The following KIAA1217 variants were observed in gnomAD, a reference collection of about 807,000 sequenced individuals.
The protein encoded by KIAA1217 is KIAA1217, also known as sickle tail protein homolog.
Under a neutral mutation model 163.9 loss-of-function variants are expected in KIAA1217, and 88 were observed. The ratio of observed to expected loss-of-function variants is 0.54; its 90% CI spans 0.45 to 0.64. The LOEUF (loss-of-function observed/expected upper bound fraction) is 0.64. KIAA1217 is among the 30% of genes least tolerant of loss of function. The pLI, the probability that KIAA1217 is intolerant of heterozygous loss-of-function variation, is 0.00. For synonymous variants in KIAA1217, 903 were observed against 923.1 expected, an observed-to-expected ratio of 0.98 and a Z score of 0.39; for missense variants, 2,372 against 2,475.0, an observed-to-expected ratio of 0.96 and a Z score of 0.88.
At chr10:24,297,454 A>G (rs1176622032) in intron 2 of KIAA1217, among the ~76,000 whole-genome samples, 3 of 152,184 alleles carry the variant, frequency 2.0e-5, no homozygotes, top group Non-Finnish European at 4.4e-5. Context: ...GATCATAAAG[A>G]AACTGGAGTC....
chr10:24,096,567 C>A (rs899203165), intron 2 of KIAA1217, among the ~76,000 whole-genome samples: 4 of 152,224 alleles, frequency 2.6e-5, no homozygotes, highest in African/African-American at 9.7e-5. Context: ...CCAGGCTCTG[C>A]AGGGTCTGGC....
At chr10:24,047,368 G>T (rs1367697955) in intron 2 of KIAA1217, among the ~76,000 whole-genome samples, 1 of 152,114 alleles carries the variant, frequency 6.6e-6, no homozygotes, top group African/African-American at 2.4e-5. Context: ...CTTGAGCAAG[G>T]CAATTATCCT....
chr10:23,716,238 T>C (rs1266065135), intron 1 of KIAA1217, among the ~76,000 whole-genome samples: 2 of 152,144 alleles, frequency 1.3e-5, no homozygotes, highest in Non-Finnish European at 2.9e-5. Flanking sequence ...ATGAAATAAA[T>C]GAACAATAGC....
At chr10:23,867,412 T>C (rs1471763541) in intron 1 of KIAA1217, among the ~76,000 whole-genome samples, 2 of 152,132 alleles carry the variant, frequency 1.3e-5, no homozygotes, top group Non-Finnish European at 2.9e-5. Flanking sequence ...TCTAGATCCC[T>C]GAGGAATCGC....
intron 1 of KIAA1217, among the ~76,000 whole-genome samples, chr10:24,000,268 A>G (rs977407792): frequency 6.6e-5 from 10 of 152,212 alleles, no homozygotes; most frequent in Admixed American, 2.0e-4. Context: ...GTGTCGTAGG[A>G]GGAAGCAGTG....
At chr10:23,730,499 C>T (rs1838415708) in intron 1 of KIAA1217, among the ~76,000 whole-genome samples, 1 of 152,060 alleles carries the variant, frequency 6.6e-6, no homozygotes, top group African/African-American at 2.4e-5. Context: ...TCCATATAAA[C>T]TTCAGAATCA....
chr10:24,214,799 G>C (rs563144952), intron 1 of KIAA1217, among the ~76,000 whole-genome samples: 1 of 152,332 alleles, frequency 6.6e-6, no homozygotes, highest in South Asian at 2.1e-4. Flanking sequence ...CCTTCCCTAA[G>C]AGTCTGTGGC....
intron 1 of KIAA1217, among the ~76,000 whole-genome samples, chr10:23,998,390 G>C (rs12244102): frequency 0.031 from 4,714 of 152,222 alleles, 263 homozygotes; most frequent in African/African-American, 0.11. Flanking sequence ...CCATGCACTT[G>C]CCCCAAGAGA....
chr10:23,717,541 C>T (rs1310618285), intron 1 of KIAA1217, among the ~76,000 whole-genome samples: 1 of 152,132 alleles, frequency 6.6e-6, no homozygotes, highest in Non-Finnish European at 1.5e-5. Context: ...GCTGAAAATA[C>T]ATCCCCTAAG....
Position 23,869,124 on chromosome 10 carries a change from GTTTTTTTTTTTTTTT to G in KIAA1217, c.-320-138085_-320-138071del, listed in dbSNP as rs58288361. Among the ~76,000 whole-genome samples, 4 of 31,702 alleles carry G rather than the reference GTTTTTTTTTTTTTTT, an allele frequency of 1.3e-4. No individual in the cohort carries two copies. The South Asian group carries it at 2.9e-3, about 23-fold the overall frequency. 20.8% of individuals were successfully genotyped at this position (31,702 alleles called of 152,430 possible). On this transcript the variant is annotated intron_variant, in intron 1 of 18. Coordinates refer to the KIAA1217 transcript ENST00000376462. ...GTGTAACGTGCAATCATGAAATGTA[GTTTTTTTTTTTTTTT>G]TTTTTTTTTTTTTTTGCATAAGTAG...
rs567703841 is a variant in KIAA1217 at position 24,398,608 on chromosome 10, G to A, written c.553+17541G>A. Among the ~76,000 whole-genome samples the A allele has an allele frequency of 3.3e-5, 5 of 152,238 alleles. No homozygotes were observed. In the South Asian group the frequency reaches 1.0e-3, roughly 32 times the overall value. On this transcript the variant is annotated intron_variant, in intron 3 of 20. Transcript: ENST00000376454. ...GGAAGAGACCCAAGCAGGCACCTTG[G>A]AGCTCAAGTGTGGCATTTTTATATA...
At chr10:24,122,305 T>C (rs1383471842) in intron 2 of KIAA1217, among the ~76,000 whole-genome samples, 2 of 152,186 alleles carry the variant, frequency 1.3e-5, no homozygotes, top group Non-Finnish European at 2.9e-5. Context: ...GCTGCATCCA[T>C]GTTGCTGCAA....
chr10:24,334,480 G>GAAGGAAGGAAGGAAGGAAGGAAGA (rs548225852), intron 2 of KIAA1217, among the ~76,000 whole-genome samples: 12 of 81,870 alleles, frequency 1.5e-4, no homozygotes, highest in South Asian at 1.0e-3. Flanking sequence ...AGGAAGGAAG[G>GAAGGAAGGAAGGAAGGAAGGAAGA]AAGGAACTTA....
intron 1 of KIAA1217, among the ~76,000 whole-genome samples, chr10:23,790,255 G>A (rs62646926): frequency 0.83 from 1,172 of 1,418 alleles, 570 homozygotes; most frequent in African/African-American, 0.86. Flanking sequence ...ATATGCATAT[G>A]CACATATGCA....
chr10:24,070,967 G>T (rs1029637043), intron 2 of KIAA1217, among the ~76,000 whole-genome samples: 5 of 151,868 alleles, frequency 3.3e-5, no homozygotes, highest in East Asian at 1.9e-4. Context: ...ATTTTTAAGG[G>T]TATTTCTACA....
intron 2 of KIAA1217, among the ~76,000 whole-genome samples, chr10:24,070,044 T>G (rs1024354212): frequency 2.6e-5 from 4 of 152,318 alleles, no homozygotes; most frequent in African/African-American, 7.2e-5. Flanking sequence ...CTCACTGTGT[T>G]GCCCAGACTT....
chr10:24,448,247 G>A (rs937448268), intron 5 of KIAA1217, among the ~76,000 whole-genome samples: 2 of 108,424 alleles, frequency 1.8e-5, no homozygotes, highest in African/African-American at 6.3e-5. Flanking sequence ...TTTTTTGCGT[G>A]GGGGGGGCTG....
At chr10:24,331,768 TGTC>T (rs1392807272) in intron 2 of KIAA1217, among the ~76,000 whole-genome samples, 1 of 152,120 alleles carries the variant, frequency 6.6e-6, no homozygotes, top group Admixed American at 6.5e-5. Context: ...GACAGGGAAA[TGTC>T]GTTTCTATTA....
intron 2 of KIAA1217, among the ~76,000 whole-genome samples, chr10:24,335,137 G>GA (rs2046180482): frequency 6.6e-6 from 1 of 152,082 alleles, no homozygotes; most frequent in African/African-American, 2.4e-5. Context: ...TACGCTATGG[G>GA]AAAAAAGCCA....
Sources: allele counts gnomAD v4.1 joint callset (sites outside exome capture counted in the v4.1 genomes callset), GRCh38; gene constraint gnomAD v4.1.1; transcripts MANE v1.5; gene names NCBI Gene and HGNC (gene_info 2026-07-23, HGNC 2026-07-21).